NRP1: variants seen among roughly 807,000 people sequenced by gnomAD.
The protein encoded by NRP1 is neuropilin 1.
A neutral mutation model predicts 106.7 loss-of-function variants in NRP1; 35 were observed. The observed-to-expected ratio is 0.33, with a 90% CI of 0.25 to 0.43. NRP1 has a LOEUF of 0.43. Among genes scored for constraint, NRP1 ranks in the 20% least tolerant of loss-of-function variants. The pLI, the probability that NRP1 is intolerant of heterozygous loss-of-function variation, is 1.00. For synonymous variants in NRP1, 437 were observed against 417.9 expected (o/e 1.05, Z -0.56); for missense variants, 1,024 against 1,170.4 (o/e 0.87, Z 1.83).
At chr10:33,232,061 A>G (rs1840179262) in intron 6 of NRP1, among the ~76,000 whole-genome samples, 1 of 151,598 alleles carries the variant, frequency 6.6e-6, no homozygotes, top group African/African-American at 2.4e-5. Flanking sequence ...ATCAAACACT[A>G]CCCATCGTCT....
chr10:33,330,628 A>G, intron 2 of NRP1, 80 bp downstream of exon 2: 1 of 1,253,428 alleles, frequency 8.0e-7, no homozygotes, highest in Non-Finnish European at 1.1e-6. Flanking sequence ...TCTACATTGT[A>G]CACACCGACT....
Position 33,226,169 on chromosome 10 carries a change from C to G in NRP1, c.1102G>C (p.Asp368His). 6.2e-7 allele frequency: 1 copy of G among 1,614,192 alleles called. No homozygotes were observed. The highest frequency in any genetic ancestry group is 8.5e-7 in the Non-Finnish European group (1 of 1,180,022). ...TTTCCTTCTTTTATGGTGATCCAGTCTTCCCCGTTGGAGCTAACGTCGATC... is the reference window on the plus strand; with the variant it reads ...TTTCCTTCTTTTATGGTGATCCAGTGTTCCCCGTTGGAGCTAACGTCGATC... ...YKIDVSSNGE[D>H]WITIKEGNKP... Residue 368 changes from aspartate (D) to histidine (H), a missense_variant, in exon 7 of 17, where the codon GAC becomes CAC. Asp to His is a moderately conservative substitution (Grantham distance 81). Around this residue, in one of 5 missense-constraint regions of NRP1, gnomAD observed 562 missense variants for 620.3 expected, o/e 0.91. Coordinates refer to ENST00000374867, the MANE Select transcript of NRP1 (RefSeq NM_003873.7).
chr10:33,233,006 G>A (rs538878864), intron 6 of NRP1, among the ~76,000 whole-genome samples: 84 of 152,220 alleles, frequency 5.5e-4, no homozygotes, highest in Admixed American at 4.1e-3. Flanking sequence ...GATTAGAAAT[G>A]TGACCCAACA....
chr10:33,289,585 G>C (rs1375746444), intron 2 of NRP1, among the ~76,000 whole-genome samples: 1 of 152,078 alleles, frequency 6.6e-6, no homozygotes, highest in Non-Finnish European at 1.5e-5. Flanking sequence ...CTCGAAGAGC[G>C]GCAATTCATT....
intron 2 of NRP1, among the ~76,000 whole-genome samples, chr10:33,295,397 G>T (rs562653794): frequency 6.6e-6 from 1 of 152,276 alleles, no homozygotes; most frequent in South Asian, 2.1e-4. Context: ...AGGCAGTGAA[G>T]AACTTTCCAT....
intron 2 of NRP1, among the ~76,000 whole-genome samples, chr10:33,330,306 A>G (rs919808617): frequency 2.0e-5 from 3 of 152,020 alleles, no homozygotes; most frequent in Non-Finnish European, 4.4e-5. Context: ...CAATCACACT[A>G]TCTGTGGATG....
At chr10:33,282,656 A>G (rs1445721839) in intron 2 of NRP1, among the ~76,000 whole-genome samples, 1 of 152,206 alleles carries the variant, frequency 6.6e-6, no homozygotes, top group African/African-American at 2.4e-5. Flanking sequence ...AAAAAGCAAA[A>G]AATAGTTGAA....
chr10:33,262,313 T>G (rs1842628165), intron 4 of NRP1, among the ~76,000 whole-genome samples: 1 of 152,176 alleles, frequency 6.6e-6, no homozygotes, highest in South Asian at 2.1e-4. Flanking sequence ...ACCTTCTAAT[T>G]CACAAGAGTG....
intron 2 of NRP1, among the ~76,000 whole-genome samples, chr10:33,295,947 G>A (rs922461137): frequency 2.0e-5 from 3 of 152,266 alleles, no homozygotes; most frequent in Non-Finnish European, 4.4e-5. Flanking sequence ...CCAATAACAG[G>A]AATTTTGCTT....
chr10:33,328,121 T>C (rs1316571640), intron 2 of NRP1, among the ~76,000 whole-genome samples: 3 of 152,162 alleles, frequency 2.0e-5, no homozygotes, highest in African/African-American at 7.2e-5. Flanking sequence ...TTCTTGGCCA[T>C]GTCAGTTTCT....
At chr10:33,230,106 T>C (rs929285594) in intron 6 of NRP1, among the ~76,000 whole-genome samples, 2 of 152,140 alleles carry the variant, frequency 1.3e-5, no homozygotes, top group South Asian at 4.1e-4. Flanking sequence ...TGTGCAACCC[T>C]CACTGCTAAG....
Position 33,226,143 on chromosome 10 carries a change from G to A in NRP1, c.1128C>T (p.Asn376=). The A allele has an allele frequency of 6.2e-7, 1 of 1,614,122 alleles. No individual in the cohort carries two copies. The highest frequency in any genetic ancestry group is 1.1e-5 in the South Asian group (1 of 91,072). ...TGGCAGCCTAACTTACAACAGGTTT[G>A]TTTCCTTCTTTTATGGTGATCCAGT... ...GEDWITIKEG[N]KPVLFQGNTN... Residue 376 remains asparagine, a synonymous_variant, in exon 7 of 17, where the codon AAC becomes AAT. Transcript: ENST00000374867.
In NRP1 at chr10:33,199,365, T is replaced by TTATATATATATATA. The variant is rs57582967; in HGVS notation, c.1865-1657_1865-1656insTATATATATATATA. Among the ~76,000 whole-genome samples, 240 of 64,248 alleles carry TTATATATATATATA rather than the reference T, an allele frequency of 3.7e-3. 1 individual carries two copies. Among genetic ancestry groups the TTATATATATATATA allele is most frequent in the East Asian group, 0.03 (19 of 642 alleles). 42.1% of individuals were successfully genotyped at this position (64,248 alleles called of 152,430 possible). A position where few individuals can be genotyped will look rare whatever the true frequency, so the allele number is the denominator to read the frequency against. On this transcript the variant is annotated intron_variant, in intron 11 of 16. Coordinates refer to ENST00000374867, the MANE Select transcript of NRP1 (RefSeq NM_003873.7). ...GTGTGCGCCACCATGCCTGGCTGTT[T>TTATATATATATATA]TCTATATATATATATATATATATAT...
At chr10:33,240,889 C>T (rs1419757575) in intron 6 of NRP1, among the ~76,000 whole-genome samples, 1 of 152,174 alleles carries the variant, frequency 6.6e-6, no homozygotes, top group Non-Finnish European at 1.5e-5. Flanking sequence ...GAAGGAATGC[C>T]AATCATTCCT....
At chr10:33,230,214 A>T (rs1446294125) in intron 6 of NRP1, among the ~76,000 whole-genome samples, 1 of 152,144 alleles carries the variant, frequency 6.6e-6, no homozygotes, top group African/African-American at 2.4e-5. Context: ...AGAGAGTTTG[A>T]GGGGAGACAG....
intron 3 of NRP1, among the ~76,000 whole-genome samples, chr10:33,265,882 C>A (rs1331067036): frequency 1.3e-5 from 2 of 152,128 alleles, no homozygotes; most frequent in Non-Finnish European, 2.9e-5. Flanking sequence ...ACTCTGGTGG[C>A]TTCTGAGATG....
At chr10:33,312,223 T>C (rs1484995157) in intron 2 of NRP1, among the ~76,000 whole-genome samples, 1 of 152,262 alleles carries the variant, frequency 6.6e-6, no homozygotes, top group Non-Finnish European at 1.5e-5. Context: ...CTCTTTAGTC[T>C]TTATTGGTGA....
At position 33,247,755 on chromosome 10, in the gene NRP1, G is replaced by A. The variant is rs369581182; in HGVS notation, c.981+6273C>T. Among the ~76,000 whole-genome samples, 9 of 152,172 alleles carry A rather than the reference G, an allele frequency of 5.9e-5. No individual in the cohort carries two copies. The East Asian group carries it at 9.6e-4, about 16-fold the overall frequency. The stretch of plus-strand genomic sequence containing the variant: ...CATCCAGAGGCAAGTGGCAATGCAC[G>A]CGCTGGCCACGGTTTGACTTCTCCT... On this transcript the variant is annotated intron_variant, in intron 6 of 16. Coordinates refer to ENST00000374867, the MANE Select transcript of NRP1 (RefSeq NM_003873.7).
intron 2 of NRP1, among the ~76,000 whole-genome samples, chr10:33,314,253 A>AT (rs1301105639): frequency 2.0e-5 from 3 of 152,032 alleles, no homozygotes; most frequent in Non-Finnish European, 4.4e-5. Flanking sequence ...TGCTTGGCTA[A>AT]TTTTTTAAAA....
Sources: allele counts gnomAD v4.1 joint callset (sites outside exome capture counted in the v4.1 genomes callset), GRCh38; gene constraint gnomAD v4.1.1; regional missense constraint gnomAD v4.1.1; transcripts MANE v1.5; gene names NCBI Gene and HGNC (gene_info 2026-07-23, HGNC 2026-07-21).